Variants in TRIM2 observed in about 807,000 individuals in gnomAD.
The protein encoded by TRIM2 is tripartite motif-containing protein 2.
TRIM2 carries 20 observed loss-of-function variants against 75.2 expected under a neutral mutation model. That is an observed-to-expected ratio of 0.27 (90% confidence interval 0.19 to 0.39). TRIM2 has a LOEUF of 0.39. Ranked by LOEUF, TRIM2 falls within the 10% of genes least tolerant of loss-of-function variation. TRIM2 has a pLI of 1.00. For synonymous variants in TRIM2, 373 were observed against 388.3 expected (o/e 0.96, Z 0.46); for missense variants, 660 against 990.8 (o/e 0.67, Z 4.48).
intron 1 of TRIM2, among the ~76,000 whole-genome samples, chr4:153,254,275 A>G (rs926101627): frequency 6.6e-6 from 1 of 152,214 alleles, no homozygotes; most frequent in Non-Finnish European, 1.5e-5. Context: ...GCTATCTCTC[A>G]TGCTCCTGCC....
At chr4:153,164,398 C>T (rs998831952) in intron 1 of TRIM2, among the ~76,000 whole-genome samples, 2 of 152,190 alleles carry the variant, frequency 1.3e-5, no homozygotes, top group African/African-American at 2.4e-5. Flanking sequence ...CTAAAAGAGG[C>T]TTCCTCCCTA....
chr4:153,182,547 T>C (rs370257523), intron 1 of TRIM2, among the ~76,000 whole-genome samples: 1 of 152,286 alleles, frequency 6.6e-6, no homozygotes, highest in East Asian at 1.9e-4. Flanking sequence ...AGTGAGCTGA[T>C]TCATATAAAT....
chr4:153,247,911 C>T (rs2149902515), intron 1 of TRIM2, among the ~76,000 whole-genome samples: 1 of 151,406 alleles, frequency 6.6e-6, no homozygotes, highest in Non-Finnish European at 1.5e-5. Context: ...TCTAAAGGAA[C>T]TCATAAATCT....
intron 1 of TRIM2, among the ~76,000 whole-genome samples, chr4:153,179,016 C>T (rs950226157): frequency 2.6e-4 from 39 of 151,992 alleles, no homozygotes; most frequent in African/African-American, 8.7e-4. Context: ...ACAGTGAGAC[C>T]TCATCTCTAC....
At chr4:153,305,661 A>C (rs1010708496) in intron 6 of TRIM2, among the ~76,000 whole-genome samples, 1 of 152,214 alleles carries the variant, frequency 6.6e-6, no homozygotes, top group African/African-American at 2.4e-5. Flanking sequence ...CCACAAGAAC[A>C]AGCTCAGCTC....
At chr4:153,273,442 ATTTTTTTTTTT>A (rs11459214) in intron 2 of TRIM2, among the ~76,000 whole-genome samples, 2 of 77,676 alleles carry the variant, frequency 2.6e-5, no homozygotes, top group African/African-American at 7.7e-5. Flanking sequence ...CGCCCGGCTA[ATTTTTTTTTTT>A]TTTTTTTTTT....
At chr4:153,333,663 G>T (rs189153252) in intron 11 of TRIM2, among the ~76,000 whole-genome samples, 1 of 152,000 alleles carries the variant, frequency 6.6e-6, no homozygotes, top group African/African-American at 2.4e-5. Context: ...TCAGCCCCCC[G>T]TACCCCCAAA....
At chr4:153,232,465 C>G (rs1743913006) in intron 1 of TRIM2, among the ~76,000 whole-genome samples, 1 of 152,126 alleles carries the variant, frequency 6.6e-6, no homozygotes, top group South Asian at 2.1e-4. Context: ...TGCCACTGCG[C>G]TCCAGCCTGG....
intron 1 of TRIM2, among the ~76,000 whole-genome samples, chr4:153,263,012 T>A (rs1272572678): frequency 6.6e-6 from 1 of 152,170 alleles, no homozygotes; most frequent in Non-Finnish European, 1.5e-5. Flanking sequence ...CTCTGGATGA[T>A]GGTTTATGTT....
chr4:153,237,198 C>A (rs1560860165), intron 1 of TRIM2, among the ~76,000 whole-genome samples: 1 of 152,074 alleles, frequency 6.6e-6, no homozygotes, highest in Non-Finnish European at 1.5e-5. Context: ...AAATATATTT[C>A]TTCTACATGC....
chr4:153,263,759 G>A (rs953149951), intron 1 of TRIM2, among the ~76,000 whole-genome samples: 1 of 152,230 alleles, frequency 6.6e-6, no homozygotes, highest in African/African-American at 2.4e-5. Flanking sequence ...GGAAATCTGA[G>A]ATCAGGGTGC....
chr4:153,153,650 C>G (rs924069575), intron 1 of TRIM2, among the ~76,000 whole-genome samples: 1 of 152,216 alleles, frequency 6.6e-6, no homozygotes, highest in South Asian at 2.1e-4. Context: ...ACGGTTGGCT[C>G]GAAACGAGAT....
At chr4:153,206,912 G>C (rs1735614236) in intron 1 of TRIM2, among the ~76,000 whole-genome samples, 1 of 151,992 alleles carries the variant, frequency 6.6e-6, no homozygotes, top group Non-Finnish European at 1.5e-5. Context: ...ACAGGGTCTT[G>C]CTCCGTCACC....
Position 153,266,794 on chromosome 4 carries a change from A to C in TRIM2, c.31-3541A>C, listed in dbSNP as rs539110641. Reference sequence around the variant, plus strand: ...GAGATGACACCCAGCCTGTTTTAAAAATCATATCTTTAATAAACTTATCTA... The same window carrying C: ...GAGATGACACCCAGCCTGTTTTAAACATCATATCTTTAATAAACTTATCTA... On this transcript the variant is annotated intron_variant, in intron 1 of 11. Coordinates refer to ENST00000338700, the MANE Select transcript of TRIM2 (RefSeq NM_015271.5). 2.0e-5 allele frequency: 3 copies of C among 152,136 alleles called. No homozygotes were observed. The South Asian group carries it at 6.2e-4, about 32-fold the overall frequency. 9.4% of individuals were successfully genotyped at this position (152,136 alleles called of 1,614,324 possible).
At chr4:153,325,782 C>T (rs895146514) in intron 10 of TRIM2, among the ~76,000 whole-genome samples, 14 of 152,310 alleles carry the variant, frequency 9.2e-5, no homozygotes, top group Admixed American at 5.2e-4. Flanking sequence ...TTCTACTAAG[C>T]GCAACTGTGA....
intron 1 of TRIM2, among the ~76,000 whole-genome samples, chr4:153,246,643 A>G (rs1749230264): frequency 6.6e-6 from 1 of 152,186 alleles, no homozygotes; most frequent in Non-Finnish European, 1.5e-5. Context: ...AATGAAGTGG[A>G]TAGGGAGTAG....
intron 1 of TRIM2, chr4:153,265,739 G>A (rs1167114146): frequency 6.6e-6 from 1 of 150,762 alleles, no homozygotes; most frequent in East Asian, 1.9e-4. Context: ...AAATTTTAGT[G>A]CTACAAAAGT....
Position 153,295,388 on chromosome 4 carries a change from G to T in TRIM2, c.862G>T (p.Ala288Ser). The change falls in exon 6 of 12, where the codon GCC becomes TCC. Residue 288 changes from alanine to serine, a missense_variant. Around this residue, in one of 2 missense-constraint regions of TRIM2, gnomAD observed 620 missense variants for 891.0 expected, o/e 0.70. Transcript: ENST00000338700. This position sits in a 1 kb window ranked among gnomAD's most constrained non-coding sequence, Gnocchi z 7.2. Reference protein sequence around the residue: ...IKSCSNFTAQALNHGTETEVL... With the variant: ...IKSCSNFTAQSLNHGTETEVL... ...GAGCTGCAGCAACTTCACAGCGCAG[G>T]CCCTCAACCATGGCACGGAGACCGA... 6.2e-7 allele frequency: 1 copy of T among 1,614,048 alleles called. No individual in the cohort carries two copies.
intron 1 of TRIM2, among the ~76,000 whole-genome samples, chr4:153,180,635 G>A (rs1731956925): frequency 1.3e-5 from 2 of 152,072 alleles, no homozygotes. Context: ...GTGCCACCAC[G>A]CTCAGCTAAT....
Sources: gnomAD v4.1 joint callset for allele counts (sites outside exome capture counted in the v4.1 genomes callset) on GRCh38, gnomAD v4.1.1 for gene constraint, gnomAD v4.1.1 regional missense constraint, Gnocchi (gnomAD v3.1) non-coding constraint, MANE v1.5 for transcripts, NCBI Gene and HGNC (gene_info 2026-07-23, HGNC 2026-07-21) for gene names.